Variants in TMEM232 observed in about 807,000 individuals in gnomAD.
TMEM232 encodes transmembrane protein 232.
In TMEM232, 80 loss-of-function variants were observed where a neutral mutation model predicts 78.8. The observed-to-expected ratio is 1.01, with a 90% CI of 0.85 to 1.22. The LOEUF is 1.22. Ranked by LOEUF, TMEM232 falls within the 50% of genes most tolerant of loss-of-function variation. TMEM232 has a pLI of 0.00. For missense variants in TMEM232, 881 were observed against 742.2 expected, an observed-to-expected ratio of 1.19 and a Z score of -2.17; for synonymous variants, 297 against 254.3, an observed-to-expected ratio of 1.17 and a Z score of -1.60.
intron 12 of TMEM232, among the ~76,000 whole-genome samples, chr5:110,482,132 A>G (rs554783540): frequency 1.3e-5 from 2 of 152,274 alleles, no homozygotes; most frequent in East Asian, 3.9e-4. Context: ...AGAATAGACA[A>G]ATAAGACAGG....
intron 12 of TMEM232, among the ~76,000 whole-genome samples, chr5:110,488,432 TA>T (rs1409780430): frequency 6.6e-6 from 1 of 152,046 alleles, no homozygotes; most frequent in Non-Finnish European, 1.5e-5. Flanking sequence ...AAAGGAAATT[TA>T]GAATTCATAC....
chr5:110,462,520 G>A (rs1469977760), intron 12 of TMEM232, among the ~76,000 whole-genome samples: 7 of 152,108 alleles, frequency 4.6e-5, no homozygotes, highest in Admixed American at 2.6e-4. Flanking sequence ...CCTTTCTCCC[G>A]TGCTGGATGC....
At chr5:110,629,673 T>C (rs1445354062) in intron 5 of TMEM232, among the ~76,000 whole-genome samples, 1 of 152,142 alleles carries the variant, frequency 6.6e-6, no homozygotes, top group African/African-American at 2.4e-5. Context: ...TCTGATACTT[T>C]TATCTGGCTG....
chr5:110,565,831 G>T (rs1776279334), intron 11 of TMEM232, among the ~76,000 whole-genome samples: 1 of 151,798 alleles, frequency 6.6e-6, no homozygotes, highest in Non-Finnish European at 1.5e-5. Context: ...ATATTCATAT[G>T]AACAAATCTA....
intron 2 of TMEM232, among the ~76,000 whole-genome samples, chr5:110,649,393 A>G (rs1787975667): frequency 6.6e-6 from 1 of 152,142 alleles, no homozygotes. Flanking sequence ...TAATTCATTA[A>G]TCATTATATT....
chr5:110,431,078 A>G (rs1385351336), intron 12 of TMEM232, among the ~76,000 whole-genome samples: 3 of 151,594 alleles, frequency 2.0e-5, no homozygotes, highest in Non-Finnish European at 4.4e-5. Context: ...ACAAAGCAAA[A>G]AAGAGTTTAG....
intron 12 of TMEM232, among the ~76,000 whole-genome samples, chr5:110,509,299 G>A (rs1767408482): frequency 6.6e-6 from 1 of 151,870 alleles, no homozygotes; most frequent in South Asian, 2.1e-4. Context: ...GCTAGGTGTG[G>A]TGGTGTGTGC....
chr5:110,509,012 A>ATATG (rs1192101036), intron 12 of TMEM232, among the ~76,000 whole-genome samples: 5,130 of 143,618 alleles, frequency 0.036, 326 homozygotes, highest in African/African-American at 0.13. Context: ...ATATATATGT[A>ATATG]TATATATACA....
intron 12 of TMEM232, among the ~76,000 whole-genome samples, chr5:110,450,057 T>C (rs987381819): frequency 6.6e-5 from 10 of 152,094 alleles, no homozygotes; most frequent in Admixed American, 1.3e-4. Context: ...TGAAATCTGA[T>C]GGTTAAAAGT....
At chr5:110,608,729 A>T (rs985509459) in intron 8 of TMEM232, among the ~76,000 whole-genome samples, 2 of 152,074 alleles carry the variant, frequency 1.3e-5, no homozygotes, top group African/African-American at 4.8e-5. Flanking sequence ...AAACAGAAAC[A>T]TCAATACTTA....
intron 1 of TMEM232, among the ~76,000 whole-genome samples, chr5:110,700,799 T>TAGAC (rs1298888015): frequency 8.0e-5 from 12 of 150,716 alleles, no homozygotes; most frequent in African/African-American, 2.9e-4. Flanking sequence ...GATAGATAGA[T>TAGAC]AGATAGATAG....
intron 11 of TMEM232, among the ~76,000 whole-genome samples, chr5:110,556,181 C>T (rs1775054380): frequency 6.6e-6 from 1 of 152,084 alleles, no homozygotes; most frequent in South Asian, 2.1e-4. Flanking sequence ...GGTCTGGTGG[C>T]AACAAATTCC....
At chr5:110,606,846 TGTTA>T (rs1781602438) in intron 8 of TMEM232, among the ~76,000 whole-genome samples, 1 of 152,024 alleles carries the variant, frequency 6.6e-6, no homozygotes, top group African/African-American at 2.4e-5. Flanking sequence ...TACAAGAATT[TGTTA>T]GTTATAAATG....
At position 110,412,345 on chromosome 5, in the gene TMEM232, A is replaced by C. The variant is rs992249291; in HGVS notation, n.308+12478T>G. Among the ~76,000 whole-genome samples the C allele has an allele frequency of 3.3e-5, 5 of 152,204 alleles. No homozygotes were observed. In the East Asian group the frequency reaches 5.8e-4, roughly 18 times the overall value. ...AGGAAAGTTATTGCCAAATCCAATC[A>C]AACCTAATTTTCTTGCCATTGATAT... is the stretch of plus-strand genomic sequence containing the variant. On this transcript the variant is annotated intron_variant and non_coding_transcript_variant, in intron 2 of 8. Coordinates refer to the TMEM232 transcript ENST00000507188.
intron 10 of TMEM232, 138 bp from the exon 11 acceptor site, chr5:110,568,763 T>G: frequency 2.4e-6 from 2 of 831,956 alleles, no homozygotes; most frequent in Non-Finnish European, 3.5e-6. Flanking sequence ...CTGTGGAAAT[T>G]TCTGACCCTT....
intron 10 of TMEM232, among the ~76,000 whole-genome samples, chr5:110,571,859 T>A (rs1000492338): frequency 6.6e-6 from 1 of 151,776 alleles, no homozygotes; most frequent in African/African-American, 2.4e-5. Flanking sequence ...ATAAAGGGGA[T>A]CAGATTAAAT....
chr5:110,516,106 G>T (rs1268572661), intron 12 of TMEM232, among the ~76,000 whole-genome samples: 1 of 152,104 alleles, frequency 6.6e-6, no homozygotes, highest in African/African-American at 2.4e-5. Flanking sequence ...GGGCGTGGTG[G>T]CAGGCACCTG....
intron 1 of TMEM232, among the ~76,000 whole-genome samples, chr5:110,721,956 A>G (rs1797691685): frequency 6.6e-6 from 1 of 151,688 alleles, no homozygotes; most frequent in Non-Finnish European, 1.5e-5. Context: ...AGTTAGAATC[A>G]CTTCTTAAAA....
intron 10 of TMEM232, 89 bp from the exon 11 acceptor site, chr5:110,568,714 T>C: frequency 8.0e-7 from 1 of 1,247,174 alleles, no homozygotes; most frequent in Non-Finnish European, 1.1e-6. Context: ...CCAATTTTAC[T>C]ATAATTCATA....
Sources: gnomAD v4.1 joint callset for allele counts (sites outside exome capture counted in the v4.1 genomes callset) on GRCh38, gnomAD v4.1.1 for gene constraint, MANE v1.5 for transcripts, NCBI Gene and HGNC (gene_info 2026-07-23, HGNC 2026-07-21) for gene names.